The following INPP4B variants were observed in gnomAD, a reference collection of about 807,000 sequenced individuals.
INPP4B encodes the protein inositol polyphosphate 4-phosphatase type II.
In INPP4B, 55 loss-of-function variants were observed where a neutral mutation model predicts 122.5. The ratio of observed to expected loss-of-function variants is 0.45; its 90% CI spans 0.36 to 0.56. The LOEUF (loss-of-function observed/expected upper bound fraction) is 0.56, where lower values mean the gene tolerates loss of function less well. Ranked by LOEUF, INPP4B falls within the 20% of genes least tolerant of loss-of-function variation. INPP4B has a pLI of 0.00. For synonymous variants in INPP4B, 403 were observed against 388.7 expected, an observed-to-expected ratio of 1.04 and a Z score of -0.43; for missense variants, 1,000 against 1,097.7, an observed-to-expected ratio of 0.91 and a Z score of 1.26.
At chr4:142,350,133 G>A (rs916422493) in intron 7 of INPP4B, among the ~76,000 whole-genome samples, 1 of 151,926 alleles carries the variant, frequency 6.6e-6, no homozygotes, top group African/African-American at 2.4e-5. Flanking sequence ...AACTTGAATT[G>A]TATGTTGCTT....
chr4:142,230,308 C>T (rs149520433), intron 12 of INPP4B, among the ~76,000 whole-genome samples: 180 of 152,198 alleles, frequency 1.2e-3, no homozygotes, highest in African/African-American at 4.0e-3. Context: ...AAACAAACCT[C>T]TCTCTACCAC....
At chr4:142,320,499 C>T (rs540317836) in intron 7 of INPP4B, among the ~76,000 whole-genome samples, 15 of 152,160 alleles carry the variant, frequency 9.9e-5, no homozygotes, top group South Asian at 8.3e-4. Context: ...TTAGATCCTC[C>T]GTTCTTTTTA....
chr4:142,112,452 A>C, intron 22 of INPP4B, 90 bp downstream of exon 22: 1 of 1,224,628 alleles, frequency 8.2e-7, no homozygotes, highest in Non-Finnish European at 1.2e-6. Flanking sequence ...AATTGATGTT[A>C]GTTCTACATG....
intron 2 of INPP4B, chr4:142,474,117 T>C (rs894693827): frequency 2.0e-5 from 3 of 152,294 alleles, no homozygotes; most frequent in African/African-American, 7.2e-5. Flanking sequence ...TGGTTCCACT[T>C]CTGTCTGAAC....
intron 7 of INPP4B, chr4:142,347,442 T>G (rs1490758357): frequency 9.6e-6 from 4 of 417,804 alleles, no homozygotes; most frequent in Non-Finnish European, 1.9e-5. Flanking sequence ...ACTTGAAGTA[T>G]TGCATCACAG....
intron 3 of INPP4B, among the ~76,000 whole-genome samples, chr4:142,453,037 G>T (rs1248879228): frequency 6.6e-6 from 1 of 152,122 alleles, no homozygotes; most frequent in Non-Finnish European, 1.5e-5. Flanking sequence ...CACACCTAAG[G>T]TGACAGGTTT....
chr4:142,039,013 C>A (rs759147323), intron 25 of INPP4B, among the ~76,000 whole-genome samples: 3 of 152,098 alleles, frequency 2.0e-5, no homozygotes, highest in Non-Finnish European at 4.4e-5. Context: ...TGATTGAGAT[C>A]CCTTAAGCAC....
chr4:142,114,079 A>G (rs10029545), intron 21 of INPP4B, among the ~76,000 whole-genome samples: 20,072 of 151,888 alleles, frequency 0.13, 1,473 homozygotes, highest in East Asian at 0.23. Flanking sequence ...AATCTTTTCT[A>G]TCTGGCCTTT....
chr4:142,196,747 G>A (rs1389319802), intron 14 of INPP4B, among the ~76,000 whole-genome samples: 1 of 151,888 alleles, frequency 6.6e-6, no homozygotes, highest in African/African-American at 2.4e-5. Flanking sequence ...CCTTATAAAT[G>A]TTCATAGAAG....
At chr4:142,094,343 C>T (rs1780905544) in intron 23 of INPP4B, among the ~76,000 whole-genome samples, 1 of 152,156 alleles carries the variant, frequency 6.6e-6, no homozygotes, top group African/African-American at 2.4e-5. Flanking sequence ...GCACTGAAGG[C>T]AGTTTAATGG....
rs373586262 is a variant in INPP4B at position 142,112,529 on chromosome 4, C to A, written c.2276+13G>T. The A allele has an allele frequency of 6.2e-7, 1 of 1,612,394 alleles. No homozygotes were observed. The highest frequency in any genetic ancestry group is 1.3e-5 in the African/African-American group (1 of 74,946). ...AGAAAAATCTCAAGTGCGACTCTTACACCAAAGCTTACCTTTCAGCCAGAG... is the reference window on the plus strand; with the variant it reads ...AGAAAAATCTCAAGTGCGACTCTTAAACCAAAGCTTACCTTTCAGCCAGAG... On this transcript the variant is annotated intron_variant, in intron 22 of 25. Transcript: ENST00000262992.
Position 142,431,082 on chromosome 4 carries a change from TATGAATGC to T in INPP4B, c.91+79_91+86del, listed in dbSNP as rs1483224740. On this transcript the variant is annotated intron_variant, in intron 4 of 25. Coordinates refer to ENST00000262992, the MANE Select transcript of INPP4B (RefSeq NM_001101669.3). Reference sequence around the variant, plus strand: ...ATTAGAACCGAAGTTCCTATGAATCTATGAATGCATGTATGTATGTGTAAGTTTCATCG... The same window carrying T: ...ATTAGAACCGAAGTTCCTATGAATCTATGTATGTATGTGTAAGTTTCATCG... The T allele has an allele frequency of 1.3e-5, 12 of 910,334 alleles. No individual in the cohort carries two copies. The South Asian group carries it at 1.8e-4, about 13-fold the overall frequency. 56.4% of individuals were successfully genotyped at this position (910,334 alleles called of 1,614,324 possible).
At chr4:142,371,923 A>G (rs186755235) in intron 7 of INPP4B, among the ~76,000 whole-genome samples, 296 of 151,998 alleles carry the variant, frequency 1.9e-3, no homozygotes, top group African/African-American at 6.9e-3. Flanking sequence ...CCAGCAGTCC[A>G]CTACTGTTAG....
chr4:142,659,476 C>A lies in INPP4B; in HGVS notation c.-191+66363G>T, dbSNP rs1268014487. Among the ~76,000 whole-genome samples the A allele has an allele frequency of 3.9e-5, 6 of 151,958 alleles. 1 individual carries two copies. Among genetic ancestry groups the A allele is most frequent in the Non-Finnish European group, 8.8e-5 (6 of 67,966 alleles). ...AAACTTATATATTGGTCACTAAATT[C>A]TAAACTCATTAGTTGTTTTTAATTT... On this transcript the variant is annotated intron_variant, in intron 2 of 25. Coordinates refer to ENST00000262992, the MANE Select transcript of INPP4B (RefSeq NM_001101669.3).
At chr4:142,176,132 T>C (rs951311540) in intron 15 of INPP4B, among the ~76,000 whole-genome samples, 3 of 146,782 alleles carry the variant, frequency 2.0e-5, no homozygotes, top group Non-Finnish European at 4.5e-5. Flanking sequence ...TTATTATTAT[T>C]ATTATTATTA....
At chr4:142,565,834 T>C (rs567384730) in intron 2 of INPP4B, among the ~76,000 whole-genome samples, 3 of 152,284 alleles carry the variant, frequency 2.0e-5, no homozygotes, top group East Asian at 3.9e-4. Flanking sequence ...GGATAAGACA[T>C]GTTGATAAGG....
intron 11 of INPP4B, among the ~76,000 whole-genome samples, chr4:142,243,188 T>C (rs1008381818): frequency 6.6e-6 from 1 of 152,210 alleles, no homozygotes; most frequent in African/African-American, 2.4e-5. Context: ...TTCCACAAAA[T>C]GTAAACTTTT....
chr4:142,781,473 C>T (rs1443355331), intron 1 of INPP4B, among the ~76,000 whole-genome samples: 1 of 152,164 alleles, frequency 6.6e-6, no homozygotes, highest in African/African-American at 2.4e-5. Flanking sequence ...GGGTAGTTCA[C>T]TATGGAATGG....
intron 1 of INPP4B, among the ~76,000 whole-genome samples, chr4:142,831,050 G>C (rs1782075846): frequency 6.6e-6 from 1 of 151,616 alleles, no homozygotes; most frequent in Admixed American, 6.6e-5. Context: ...ATAGATGCAA[G>C]AGTGTAGTAG....
Sources: gnomAD v4.1 joint callset for allele counts (sites outside exome capture counted in the v4.1 genomes callset) on GRCh38, gnomAD v4.1.1 for gene constraint, MANE v1.5 for transcripts, NCBI Gene and HGNC (gene_info 2026-07-23, HGNC 2026-07-21) for gene names.